Variants in TENM2 observed in about 807,000 individuals in gnomAD.
TENM2 encodes the protein teneurin-2.
A neutral mutation model predicts 245.2 loss-of-function variants in TENM2; 52 were observed. That is an observed-to-expected ratio of 0.21 (90% CI 0.17 to 0.27). The LOEUF (loss-of-function observed/expected upper bound fraction) is 0.27. Ranked by LOEUF, TENM2 falls within the 10% of genes least tolerant of loss-of-function variation. The pLI is 1.00. For missense variants in TENM2, 3,046 were observed against 3,666.8 expected (o/e 0.83, Z 4.37); for synonymous variants, 1,363 against 1,438.9 (o/e 0.95, Z 1.19).
chr5:167,327,637 CAGA>C (rs1430483950), intron 1 of TENM2, among the ~76,000 whole-genome samples: 9 of 152,080 alleles, frequency 5.9e-5, no homozygotes, highest in African/African-American at 2.2e-4. Context: ...AAGGTGAGGT[CAGA>C]AGAAGTGAAG....
chr5:168,186,189 G>C (rs1371127862), intron 13 of TENM2: 1 of 151,930 alleles, frequency 6.6e-6, no homozygotes, highest in Non-Finnish European at 1.5e-5. Context: ...AGGCCAGGCT[G>C]TCACCTCTGA....
intron 2 of TENM2, among the ~76,000 whole-genome samples, chr5:167,598,039 G>A (rs1776345177): frequency 6.6e-6 from 1 of 152,194 alleles, no homozygotes; most frequent in South Asian, 2.1e-4. Flanking sequence ...AACCCTTCTT[G>A]GAGTCAGAGA....
the TENM2 span, among the ~76,000 whole-genome samples, chr5:166,996,117 A>C: frequency 6.6e-6 from 1 of 152,118 alleles, no homozygotes; most frequent in South Asian, 2.1e-4. Context: ...GCCGAGGCGG[A>C]CAGATCACCA....
At chr5:167,615,194 CCTGTT>C (rs1231809259) in intron 2 of TENM2, among the ~76,000 whole-genome samples, 1 of 152,022 alleles carries the variant, frequency 6.6e-6, no homozygotes, top group African/African-American at 2.4e-5. Flanking sequence ...TCTGGACTGT[CCTGTT>C]ACCGTGAATA....
chr5:168,201,778 CT>C (rs1211969960), intron 17 of TENM2, among the ~76,000 whole-genome samples: 2 of 152,114 alleles, frequency 1.3e-5, no homozygotes, highest in African/African-American at 4.8e-5. Context: ...CTTTCCTTAT[CT>C]TTCTCTCTCT....
chr5:167,691,276 T>C (rs1203439001), intron 2 of TENM2, among the ~76,000 whole-genome samples: 1 of 152,084 alleles, frequency 6.6e-6, no homozygotes, highest in East Asian at 1.9e-4. Flanking sequence ...TCCTTCCAAT[T>C]GCAAAATTTG....
At position 167,692,268 on chromosome 5, in the gene TENM2, A is replaced by G. The variant is rs376662962; in HGVS notation, c.503-183718A>G. Reference sequence around the variant, plus strand: ...TAGGTCAATAATTATTAAAAAGGTCAAATGAATTGGCCGAAGGCAATTGCC... The same window carrying G: ...TAGGTCAATAATTATTAAAAAGGTCGAATGAATTGGCCGAAGGCAATTGCC... On this transcript the variant is annotated intron_variant, in intron 2 of 28. Coordinates refer to ENST00000518659, the Ensembl canonical transcript of TENM2. Among the ~76,000 whole-genome samples the G allele has an allele frequency of 3.9e-5, 6 of 152,194 alleles. No homozygotes were observed. In the East Asian group the frequency reaches 9.6e-4, roughly 24 times the overall value.
chr5:167,261,048 T>A, the TENM2 span, among the ~76,000 whole-genome samples: 1 of 152,182 alleles, frequency 6.6e-6, no homozygotes, highest in Non-Finnish European at 1.5e-5. Context: ...GTTCTCAAAG[T>A]ATGGTCCCAG....
chr5:167,862,289 G>GCA (rs548545509), intron 2 of TENM2, among the ~76,000 whole-genome samples: 14 of 151,728 alleles, frequency 9.2e-5, no homozygotes, highest in South Asian at 4.2e-4. Context: ...ATGCATTTGT[G>GCA]CACACACACA....
chr5:167,494,868 A>G (rs931240983), intron 2 of TENM2, among the ~76,000 whole-genome samples: 3 of 152,122 alleles, frequency 2.0e-5, no homozygotes, highest in African/African-American at 7.2e-5. Context: ...TAATATATTC[A>G]ACCAACTGCA....
At chr5:168,133,004 C>G (rs530180384) in intron 12 of TENM2, among the ~76,000 whole-genome samples, 2 of 152,332 alleles carry the variant, frequency 1.3e-5, no homozygotes, top group African/African-American at 4.8e-5. Context: ...AGGAGGACAT[C>G]TGTGTTCTAG....
chr5:167,253,254 C>CTT, the TENM2 span, among the ~76,000 whole-genome samples: 172 of 137,234 alleles, frequency 1.3e-3, no homozygotes, highest in Middle Eastern at 3.7e-3. Context: ...ACAGGCCTGG[C>CTT]TTTTTTTTTT....
intron 3 of TENM2, among the ~76,000 whole-genome samples, chr5:167,907,524 AATATATAT>A (rs56159044): frequency 0.08 from 6,209 of 77,650 alleles, 208 homozygotes; most frequent in Non-Finnish European, 0.13. Context: ...GATCACCCTA[AATATATAT>A]ATATATATAT....
chr5:168,094,644 T>A (rs1793210657), intron 8 of TENM2, among the ~76,000 whole-genome samples: 1 of 151,756 alleles, frequency 6.6e-6, no homozygotes, highest in African/African-American at 2.4e-5. Context: ...CAGCTTGTTT[T>A]CCTGCAACTA....
At chr5:167,232,072 A>G in the TENM2 span, among the ~76,000 whole-genome samples, 2 of 152,212 alleles carry the variant, frequency 1.3e-5, no homozygotes, top group East Asian at 3.9e-4. Flanking sequence ...ACCTCCACCT[A>G]TATTTCAGAG....
At chr5:167,737,403 A>G (rs1308117593) in intron 2 of TENM2, among the ~76,000 whole-genome samples, 1 of 152,212 alleles carries the variant, frequency 6.6e-6, no homozygotes, top group African/African-American at 2.4e-5. Flanking sequence ...CTGGGAGTCC[A>G]AAATCTGTCT....
At chr5:167,451,929 A>G (rs898559426) in intron 2 of TENM2, among the ~76,000 whole-genome samples, 4 of 152,144 alleles carry the variant, frequency 2.6e-5, no homozygotes, top group Non-Finnish European at 4.4e-5. Context: ...GATTACAGGC[A>G]TGAGCCACCG....
chr5:168,237,642 A>C (rs1430062966), intron 25 of TENM2, among the ~76,000 whole-genome samples: 2 of 152,170 alleles, frequency 1.3e-5, no homozygotes, highest in Non-Finnish European at 2.9e-5. Context: ...CAAAACAGCA[A>C]GTCATCCAAA....
At chr5:167,828,760 TA>T (rs1768204240) in intron 2 of TENM2, among the ~76,000 whole-genome samples, 1 of 152,228 alleles carries the variant, frequency 6.6e-6, no homozygotes, top group Non-Finnish European at 1.5e-5. Flanking sequence ...CTGATTGATA[TA>T]AAAATGGCAG....
Sources: allele counts gnomAD v4.1 joint callset (sites outside exome capture counted in the v4.1 genomes callset), GRCh38; gene constraint gnomAD v4.1.1; transcripts MANE v1.5; gene names NCBI Gene and HGNC (gene_info 2026-07-23, HGNC 2026-07-21).